The following COL13A1 variants were observed in gnomAD, a reference collection of about 807,000 sequenced individuals.
COL13A1 encodes the protein collagen type XIII alpha 1 chain.
In COL13A1, 89 loss-of-function variants were observed where a neutral mutation model predicts 130.9. That is an observed-to-expected ratio of 0.68 (90% CI 0.57 to 0.81). The LOEUF (loss-of-function observed/expected upper bound fraction) is 0.81, where lower values mean the gene tolerates loss of function less well. Among genes scored for constraint, COL13A1 ranks in the 30% least tolerant of loss-of-function variants. The pLI, the probability that COL13A1 is intolerant of heterozygous loss-of-function variation, is 0.00. For synonymous variants in COL13A1, 402 were observed against 341.6 expected, an observed-to-expected ratio of 1.18 and a Z score of -1.95; for missense variants, 879 against 934.6, an observed-to-expected ratio of 0.94 and a Z score of 0.78.
chr10:69,819,380 T>TG (rs1845450481), intron 1 of COL13A1, among the ~76,000 whole-genome samples: 3 of 152,122 alleles, frequency 2.0e-5, no homozygotes, highest in African/African-American at 7.2e-5. Flanking sequence ...GTAGATGACT[T>TG]ACTTATTTGA....
rs770719420 is a variant in COL13A1, at chr10:69,957,048, G to T, written c.2184+6G>T. 1.5e-5 allele frequency: 24 copies of T among 1,612,910 alleles called. No homozygotes were observed. The highest frequency in any genetic ancestry group is 1.4e-5 in the Non-Finnish European group (17 of 1,178,954). ...TCCAAGGCTGCTGGAACAAGGTAAG[G>T]CTTCCCATTGGTGTGCACTGGGGCT... On this transcript the variant is annotated splice_donor_region_variant and intron_variant, in intron 40 of 40. Transcript: ENST00000645393.
intron 2 of COL13A1, among the ~76,000 whole-genome samples, chr10:69,846,496 G>A (rs1450293731): frequency 6.6e-6 from 1 of 152,192 alleles, no homozygotes; most frequent in East Asian, 1.9e-4. Flanking sequence ...GCCCCGGGAA[G>A]GTGCATCCAG....
chr10:69,869,545 G>A (rs148941606), intron 3 of COL13A1, among the ~76,000 whole-genome samples: 82 of 152,324 alleles, frequency 5.4e-4, no homozygotes, highest in Non-Finnish European at 1.1e-3. Flanking sequence ...ATTTCTGCGG[G>A]CACAAGGTCG....
chr10:69,875,105 G>A (rs775921436), intron 4 of COL13A1, 23 bp from the exon 5 acceptor site: 25 of 1,613,864 alleles, frequency 1.5e-5, no homozygotes, highest in East Asian at 1.3e-4. Flanking sequence ...ACATCTGACT[G>A]TTTCTGCCTC....
intron 13 of COL13A1, chr10:69,897,478 T>G (rs2061762915): frequency 6.2e-7 from 1 of 1,613,590 alleles, no homozygotes; most frequent in African/African-American, 1.3e-5. Context: ...AAACTAGGAG[T>G]GCCTAAGCAG....
intron 2 of COL13A1, among the ~76,000 whole-genome samples, chr10:69,832,166 T>C (rs1848974778): frequency 6.6e-6 from 1 of 152,226 alleles, no homozygotes; most frequent in African/African-American, 2.4e-5. Flanking sequence ...GGCCTACTCC[T>C]ACTTCCCTGA....
At chr10:69,950,943 G>C (rs2069444842) in intron 38 of COL13A1, among the ~76,000 whole-genome samples, 1 of 152,210 alleles carries the variant, frequency 6.6e-6, no homozygotes, top group African/African-American at 2.4e-5. Context: ...CTGCCTCCTG[G>C]GTTCAAGCGA....
chr10:69,860,702 C>T, intron 2 of COL13A1: 1 of 280,282 alleles, frequency 3.6e-6, no homozygotes, highest in South Asian at 3.1e-5. Context: ...GTCCCCCATG[C>T]CCTCCTTGCC....
At chr10:69,820,505 C>T (rs1018167443) in intron 1 of COL13A1, among the ~76,000 whole-genome samples, 11 of 152,250 alleles carry the variant, frequency 7.2e-5, no homozygotes, top group African/African-American at 2.7e-4. Context: ...CGTACAGTCC[C>T]TTACAGGAAA....
At chr10:69,877,380 T>TGA (rs1396062540) in intron 5 of COL13A1, 1 of 153,126 alleles carries the variant, frequency 6.5e-6, no homozygotes, top group Non-Finnish European at 1.5e-5. Flanking sequence ...TGGCCTCCTG[T>TGA]GATTCTCCAC....
intron 34 of COL13A1, among the ~76,000 whole-genome samples, chr10:69,938,786 A>G (rs2136033627): frequency 6.6e-6 from 1 of 152,292 alleles, no homozygotes; most frequent in Non-Finnish European, 1.5e-5. Context: ...AATATTTAAG[A>G]AGCCAATCTG....
chr10:69,871,376 C>G (rs1385707667), intron 3 of COL13A1, among the ~76,000 whole-genome samples: 1 of 152,190 alleles, frequency 6.6e-6, no homozygotes, highest in South Asian at 2.1e-4. Context: ...ACAGGAAAGT[C>G]CCTACCTCAG....
In COL13A1 at chr10:69,937,679, G is replaced by A. The variant is rs185747839; in HGVS notation, c.1842G>A (p.Gln614=). Reference sequence around the variant, plus strand: ...GAGCAAAAGGAGAGAAAGGCTTCCAGGGAGAAAAAGGAGACCGTGGTCCCC... The same window carrying A: ...GAGCAAAAGGAGAGAAAGGCTTCCAAGGAGAAAAAGGAGACCGTGGTCCCC... The part of the protein sequence containing the change: ...LDGAKGEKGF[Q]GEKGDRGPLG... The change falls in exon 34 of 41, where the codon CAG becomes CAA. Residue 614 remains glutamine, a synonymous_variant. Coordinates refer to ENST00000645393, the MANE Select transcript of COL13A1 (RefSeq NM_001368882.1). The A allele has an allele frequency of 2.5e-6, 4 of 1,589,922 alleles. No homozygotes were observed. The highest frequency in any genetic ancestry group is 3.5e-6 in the Non-Finnish European group (4 of 1,157,986).
At chr10:69,880,660 G>T in intron 7 of COL13A1, 107 bp downstream of exon 7, 1 of 1,188,026 alleles carries the variant, frequency 8.4e-7, no homozygotes, top group South Asian at 1.3e-5. Flanking sequence ...GTGCCCCTGG[G>T]TGGGGAGGCC....
At chr10:69,828,523 C>T (rs1053530602) in intron 2 of COL13A1, among the ~76,000 whole-genome samples, 2 of 152,254 alleles carry the variant, frequency 1.3e-5, no homozygotes, top group Non-Finnish European at 2.9e-5. Context: ...GACCAGTCTT[C>T]CGCTGTCCTG....
chr10:69,840,658 C>T (rs1421724034), intron 2 of COL13A1, among the ~76,000 whole-genome samples: 7 of 152,136 alleles, frequency 4.6e-5, no homozygotes, highest in Admixed American at 3.3e-4. Context: ...AACTTAGGAC[C>T]TCAGGGGACT....
chr10:69,927,200 C>T, intron 27 of COL13A1, 90 bp downstream of exon 27: 1 of 1,587,218 alleles, frequency 6.3e-7, no homozygotes, highest in Non-Finnish European at 8.6e-7. Flanking sequence ...TTCTCCCCTC[C>T]AGAAAGCAGG....
chr10:69,946,796 T>C (rs1410640842), intron 37 of COL13A1, among the ~76,000 whole-genome samples: 3 of 147,898 alleles, frequency 2.0e-5, no homozygotes, highest in African/African-American at 7.6e-5. Context: ...TTGTTTTTTG[T>C]TTTTTGTTTT....
chr10:69,944,381 C>A (rs926476395), intron 36 of COL13A1, among the ~76,000 whole-genome samples: 18 of 152,166 alleles, frequency 1.2e-4, no homozygotes, highest in Non-Finnish European at 2.5e-4. Flanking sequence ...AGAGGCCGGG[C>A]ACGTTGGCTC....
Sources: gnomAD v4.1 joint callset for allele counts (sites outside exome capture counted in the v4.1 genomes callset) on GRCh38, gnomAD v4.1.1 for gene constraint, MANE v1.5 for transcripts, NCBI Gene and HGNC (gene_info 2026-07-23, HGNC 2026-07-21) for gene names.